TNR: variants seen among roughly 807,000 people sequenced by gnomAD.
TNR encodes tenascin R.
In TNR, 45 loss-of-function variants were observed where a neutral mutation model predicts 150.4. That is an observed-to-expected ratio of 0.30 (90% confidence interval 0.24 to 0.38). The LOEUF is 0.38. TNR is among the 10% of genes least tolerant of loss of function. The pLI, the probability that TNR is intolerant of heterozygous loss-of-function variation, is 1.00. For synonymous variants in TNR, 687 were observed against 678.4 expected, an observed-to-expected ratio of 1.01 and a Z score of -0.20; for missense variants, 1,544 against 1,759.1, an observed-to-expected ratio of 0.88 and a Z score of 2.19.
intron 1 of TNR, among the ~76,000 whole-genome samples, chr1:175,658,861 G>A (rs1446794012): frequency 6.6e-6 from 1 of 152,200 alleles, no homozygotes; most frequent in African/African-American, 2.4e-5. Flanking sequence ...GGAAGAGAGG[G>A]AAGAAAACCA....
chr1:175,632,219 G>T (rs879833257), intron 1 of TNR, among the ~76,000 whole-genome samples: 3 of 152,194 alleles, frequency 2.0e-5, no homozygotes, highest in Admixed American at 6.5e-5. Flanking sequence ...GCAAACAAAA[G>T]AAAAGCAGCT....
In TNR at chr1:175,417,736, C is replaced by A. The variant is rs566436843; in HGVS notation, c.-63-10959G>T. On this transcript the variant is annotated intron_variant, in intron 2 of 22. Coordinates refer to ENST00000367674, the MANE Select transcript of TNR (RefSeq NM_003285.3). The stretch of plus-strand genomic sequence containing the variant: ...TTGTACTCATCCACATCCAGAATAC[C>A]AGATAAATTTATCTGCCCTAAAAAT... 2.2e-4 allele frequency among the ~76,000 whole-genome samples: 34 copies of A among 152,148 alleles called. No homozygotes were observed. In the East Asian group the frequency reaches 3.7e-3, roughly 16 times the overall value.
chr1:175,351,139 G>T (rs1412765285), intron 18 of TNR, among the ~76,000 whole-genome samples: 3 of 152,180 alleles, frequency 2.0e-5, no homozygotes, highest in Non-Finnish European at 4.4e-5. Context: ...GGTCCTGACT[G>T]GCAGCACTCC....
At chr1:175,582,751 A>C (rs1184192200) in intron 1 of TNR, among the ~76,000 whole-genome samples, 1 of 152,154 alleles carries the variant, frequency 6.6e-6, no homozygotes, top group Admixed American at 6.5e-5. Flanking sequence ...TCCAAAACTC[A>C]TGTTGAAATT....
rs180798254 is a variant in TNR, at chr1:175,546,500, A to G, written c.-164-18131T>C. On this transcript the variant is annotated intron_variant, in intron 1 of 22. Transcript: ENST00000367674. ...TCAGGACACGGCTAATGGGATGTGG[A>G]ACTTCCCTCCAACCTGGACTAAAGG... Among the ~76,000 whole-genome samples the G allele has an allele frequency of 5.3e-5, 8 of 152,306 alleles. No individual in the cohort carries two copies. In the East Asian group the frequency reaches 1.4e-3, roughly 26 times the overall value.
intron 2 of TNR, among the ~76,000 whole-genome samples, chr1:175,409,873 C>T (rs1175586077): frequency 1.4e-5 from 2 of 143,476 alleles, no homozygotes; most frequent in East Asian, 4.0e-4. Context: ...GTGGGTTGGG[C>T]ATATAAATAA....
chr1:175,383,996 G>A (rs1002167567), intron 8 of TNR, among the ~76,000 whole-genome samples: 5 of 152,208 alleles, frequency 3.3e-5, no homozygotes, highest in African/African-American at 1.2e-4. Context: ...GAGCTCCTAG[G>A]AGGCAGAATG....
chr1:175,459,770 C>T (rs1557947388), intron 2 of TNR, among the ~76,000 whole-genome samples: 4 of 152,138 alleles, frequency 2.6e-5, no homozygotes. Flanking sequence ...AGGCAATAGA[C>T]AGCTCTGACT....
At chr1:175,600,281 A>C (rs1379748703) in intron 1 of TNR, among the ~76,000 whole-genome samples, 1 of 152,202 alleles carries the variant, frequency 6.6e-6, no homozygotes, top group African/African-American at 2.4e-5. Flanking sequence ...CTATTTAGCT[A>C]TTACTCGTAT....
chr1:175,707,641 T>C (rs1295255844), intron 1 of TNR, among the ~76,000 whole-genome samples: 3 of 152,176 alleles, frequency 2.0e-5, no homozygotes, highest in African/African-American at 7.2e-5. Flanking sequence ...TGCTGGGGTG[T>C]CCTCACTGAT....
intron 2 of TNR, among the ~76,000 whole-genome samples, chr1:175,491,838 A>G (rs1158381056): frequency 2.0e-5 from 3 of 151,780 alleles, no homozygotes; most frequent in African/African-American, 7.2e-5. Context: ...TTTAGTAGAG[A>G]CGGGGTTTCA....
chr1:175,384,194 A>G (rs1407668141), intron 8 of TNR, among the ~76,000 whole-genome samples: 1 of 152,258 alleles, frequency 6.6e-6, no homozygotes, highest in East Asian at 1.9e-4. Context: ...CTTGAAATTA[A>G]GAAAAGGATG....
chr1:175,589,645 C>T (rs1662715045), intron 1 of TNR, among the ~76,000 whole-genome samples: 1 of 152,162 alleles, frequency 6.6e-6, no homozygotes, highest in African/African-American at 2.4e-5. Context: ...GGCACATATA[C>T]ACCATGGAAT....
intron 1 of TNR, among the ~76,000 whole-genome samples, chr1:175,722,394 T>C (rs1283244618): frequency 6.6e-6 from 1 of 152,176 alleles, no homozygotes; most frequent in Non-Finnish European, 1.5e-5. Flanking sequence ...TGGACGCCAA[T>C]ACTTATGCCT....
chr1:175,580,742 G>C (rs1662320152), intron 1 of TNR, among the ~76,000 whole-genome samples: 1 of 152,220 alleles, frequency 6.6e-6, no homozygotes, highest in Admixed American at 6.5e-5. Context: ...AGGGAATGGT[G>C]TTTTTGTGTT....
At chr1:175,639,191 C>A (rs1275368041) in intron 1 of TNR, among the ~76,000 whole-genome samples, 1 of 152,126 alleles carries the variant, frequency 6.6e-6, no homozygotes, top group Non-Finnish European at 1.5e-5. Context: ...TCAGATGACA[C>A]CACTGAGGAG....
chr1:175,616,826 C>A (rs1369531800), intron 1 of TNR, among the ~76,000 whole-genome samples: 1 of 152,208 alleles, frequency 6.6e-6, no homozygotes, highest in Non-Finnish European at 1.5e-5. Context: ...TGGCTGACTG[C>A]ATGCAGCTTT....
intron 1 of TNR, among the ~76,000 whole-genome samples, chr1:175,663,529 G>C (rs1345294369): frequency 6.6e-6 from 1 of 152,128 alleles, no homozygotes; most frequent in Middle Eastern, 3.2e-3. Context: ...GATTTTTGTT[G>C]ACTCTAAGTT....
rs541814252 is a variant in TNR, at chr1:175,603,072, C to T, written c.-164-74703G>A. ...TAGTTCTGAGGGGACAAGAAATAAC[C>T]GAGTAATAGAAGTTGGTGTCAGTAA... is the stretch of plus-strand genomic sequence containing the variant. On this transcript the variant is annotated intron_variant, in intron 1 of 22. Coordinates refer to ENST00000367674, the MANE Select transcript of TNR (RefSeq NM_003285.3). 2.6e-4 allele frequency among the ~76,000 whole-genome samples: 39 copies of T among 152,120 alleles called. 1 individual carries two copies. Among genetic ancestry groups the T allele is most frequent in the African/African-American group, 9.2e-4 (38 of 41,496 alleles).
Sources: gnomAD v4.1 joint callset for allele counts (sites outside exome capture counted in the v4.1 genomes callset) on GRCh38, gnomAD v4.1.1 for gene constraint, MANE v1.5 for transcripts, NCBI Gene and HGNC (gene_info 2026-07-23, HGNC 2026-07-21) for gene names.